ALK: variants seen among roughly 807,000 people sequenced by gnomAD.
ALK encodes the protein ALK receptor tyrosine kinase, also known as ALK tyrosine kinase receptor.
ALK carries 74 observed loss-of-function variants against 163.1 expected under a neutral mutation model. The observed-to-expected ratio is 0.45, with a 90% CI of 0.38 to 0.55. ALK has a LOEUF of 0.55. Ranked by LOEUF, ALK falls within the 20% of genes least tolerant of loss-of-function variation. The probability of loss-of-function intolerance (pLI) is 0.00; values close to 1 mark genes in which losing one functional copy is unlikely to be tolerated. For missense variants in ALK, 2,063 were observed against 2,105.3 expected, an observed-to-expected ratio of 0.98 and a Z score of 0.39; for synonymous variants, 960 against 843.2, an observed-to-expected ratio of 1.14 and a Z score of -2.40.
intron 3 of ALK, among the ~76,000 whole-genome samples, chr2:29,675,399 G>A (rs1677841850): frequency 6.6e-6 from 1 of 151,922 alleles, no homozygotes; most frequent in Non-Finnish European, 1.5e-5. Context: ...TGAAAATCAA[G>A]TGAAGGAAAG....
intron 9 of ALK, among the ~76,000 whole-genome samples, chr2:29,292,855 T>C (rs928331347): frequency 2.6e-5 from 4 of 152,206 alleles, no homozygotes; most frequent in African/African-American, 7.2e-5. Context: ...TGCCTCCCTG[T>C]CACCAGGCTT....
At chr2:29,809,977 A>G (rs1170745589) in intron 1 of ALK, among the ~76,000 whole-genome samples, 1 of 152,216 alleles carries the variant, frequency 6.6e-6, no homozygotes, top group Non-Finnish European at 1.5e-5. Context: ...TCTCATTCCA[A>G]CTTCCCATTG....
In ALK at chr2:29,335,264, C is replaced by T. The variant is rs79097328; in HGVS notation, c.1283-6783G>A. ...CTTTTATTAGTGAGGGTCCTTTCTA[C>T]GGGAATTTACATATTAGCCTTTGAA... On this transcript the variant is annotated intron_variant, in intron 5 of 28. Coordinates refer to ENST00000389048, the MANE Select transcript of ALK (RefSeq NM_004304.5). Among the ~76,000 whole-genome samples, 41 of 152,268 alleles carry T rather than the reference C, an allele frequency of 2.7e-4. No individual in the cohort carries two copies. In the East Asian group the frequency reaches 6.7e-3, roughly 25 times the overall value.
At chr2:29,912,702 AT>A (rs1368187837) in intron 1 of ALK, among the ~76,000 whole-genome samples, 1 of 151,844 alleles carries the variant, frequency 6.6e-6, no homozygotes, top group African/African-American at 2.4e-5. Flanking sequence ...TATTTTATTT[AT>A]AATACATATA....
At chr2:29,860,552 T>G (rs1442427558) in intron 1 of ALK, among the ~76,000 whole-genome samples, 1 of 152,154 alleles carries the variant, frequency 6.6e-6, no homozygotes, top group East Asian at 1.9e-4. Flanking sequence ...ATACACAGAA[T>G]ATTCCACCTA....
At chr2:29,891,063 G>T (rs565177886) in intron 1 of ALK, 1 of 152,178 alleles carries the variant, frequency 6.6e-6, no homozygotes, top group Non-Finnish European at 1.5e-5. Context: ...AGGGGGTTTT[G>T]TGAGGATTAA....
At chr2:29,758,731 T>C (rs1035083288) in intron 1 of ALK, among the ~76,000 whole-genome samples, 3 of 152,210 alleles carry the variant, frequency 2.0e-5, no homozygotes, top group African/African-American at 7.2e-5. Flanking sequence ...CTCATTCTTC[T>C]TCTTCAATTA....
chr2:29,580,492 C>T (rs148452188), intron 3 of ALK, among the ~76,000 whole-genome samples: 25 of 152,282 alleles, frequency 1.6e-4, no homozygotes, highest in Non-Finnish European at 1.6e-4. Context: ...CACACGTCTC[C>T]GGTTGACATA....
intron 4 of ALK, among the ~76,000 whole-genome samples, chr2:29,453,312 G>A (rs1487858335): frequency 1.3e-5 from 2 of 152,150 alleles, no homozygotes; most frequent in Non-Finnish European, 2.9e-5. Flanking sequence ...GCTCACTGCA[G>A]CCTCAATCTC....
intron 4 of ALK, among the ~76,000 whole-genome samples, chr2:29,474,192 G>A (rs1454523489): frequency 6.6e-6 from 1 of 152,146 alleles, no homozygotes; most frequent in Non-Finnish European, 1.5e-5. Flanking sequence ...TTGAATTACT[G>A]CTACATACAA....
intron 9 of ALK, among the ~76,000 whole-genome samples, chr2:29,279,192 C>T (rs950574553): frequency 2.6e-5 from 4 of 152,164 alleles, no homozygotes; most frequent in South Asian, 2.1e-4. Flanking sequence ...GTGCTCTGCG[C>T]GGCGACAGCA....
chr2:29,822,948 T>G (rs966705174), intron 1 of ALK, among the ~76,000 whole-genome samples: 1 of 152,336 alleles, frequency 6.6e-6, no homozygotes, highest in South Asian at 2.1e-4. Context: ...AAGATACTGT[T>G]CCAGACATTG....
At chr2:29,251,003 TTGACATGCC>T in intron 12 of ALK, 93 bp downstream of exon 12, 5 of 1,288,370 alleles carry the variant, frequency 3.9e-6, no homozygotes, top group Non-Finnish European at 5.4e-6. Flanking sequence ...CCTTTGAACC[TTGACATGCC>T]TGGGCACCCC....
chr2:29,855,908 G>C (rs549334386), intron 1 of ALK, among the ~76,000 whole-genome samples: 2 of 152,198 alleles, frequency 1.3e-5, no homozygotes, highest in Non-Finnish European at 2.9e-5. Flanking sequence ...GTATCCTAAA[G>C]ATCACGTTTT....
intron 4 of ALK, among the ~76,000 whole-genome samples, chr2:29,498,435 A>C (rs1480242821): frequency 6.6e-6 from 1 of 152,064 alleles, no homozygotes; most frequent in Non-Finnish European, 1.5e-5. Flanking sequence ...TATGAGATAT[A>C]GAGGAAATTA....
intron 4 of ALK, among the ~76,000 whole-genome samples, chr2:29,487,883 C>T (rs1400797787): frequency 1.3e-5 from 2 of 152,162 alleles, no homozygotes; most frequent in Non-Finnish European, 2.9e-5. Flanking sequence ...CCCGCTATCC[C>T]GTGCTTGTTC....
At chr2:29,514,712 T>C (rs1672616125) in intron 4 of ALK, among the ~76,000 whole-genome samples, 1 of 152,232 alleles carries the variant, frequency 6.6e-6, no homozygotes, top group Non-Finnish European at 1.5e-5. Context: ...GTCTACCCAG[T>C]TGGTCAAGCT....
rs754512910 is a variant in ALK, at chr2:29,383,821, T to C, written c.1193A>G (p.Asn398Ser). The C allele has an allele frequency of 3.1e-6, 5 of 1,613,966 alleles. No individual in the cohort carries two copies. The Admixed American group carries it at 6.7e-5, about 22-fold the overall frequency. ...VLQGRIGRPD[N>S]PFRVALEYIS... ...GTATTCCAGGGCCACTCGAAATGGG[T>C]TGTCTGGACGCCCGATTCTTCCCTG... The change falls in exon 5 of 29, where the codon AAC becomes AGC. Residue 398 changes from asparagine (N) to serine (S), a missense_variant. Asn to Ser is a conservative substitution (Grantham distance 46, BLOSUM62 1). This residue lies in a region of ALK where 987 missense variants were observed against 939.5 expected (regional missense o/e 1.05). Transcript: ENST00000389048.
intron 1 of ALK, among the ~76,000 whole-genome samples, chr2:29,744,669 C>G (rs1359937356): frequency 6.6e-6 from 1 of 152,118 alleles, no homozygotes; most frequent in East Asian, 1.9e-4. Flanking sequence ...GTTTCAATCA[C>G]AGCTCATGGC....
Sources: allele counts gnomAD v4.1 joint callset (sites outside exome capture counted in the v4.1 genomes callset), GRCh38; gene constraint gnomAD v4.1.1; regional missense constraint gnomAD v4.1.1; transcripts MANE v1.5; gene names NCBI Gene and HGNC (gene_info 2026-07-23, HGNC 2026-07-21).